Variants in FAM222B observed in about 807,000 individuals in gnomAD.
The protein encoded by FAM222B is family with sequence similarity 222 member B.
In FAM222B, 12 loss-of-function variants were observed where a neutral mutation model predicts 38.0. The ratio of observed to expected loss-of-function variants is 0.32; its 90% confidence interval spans 0.20 to 0.51. The LOEUF is 0.51. FAM222B is among the 20% of genes least tolerant of loss of function. The probability of loss-of-function intolerance (pLI) is 0.97; values close to 1 mark genes in which losing one functional copy is unlikely to be tolerated. For missense variants in FAM222B, 716 were observed against 754.2 expected (o/e 0.95, Z 0.59); for synonymous variants, 329 against 317.2 (o/e 1.04, Z -0.40).
At chr17:28,764,374 G>A (rs910252848) in intron 2 of FAM222B, among the ~76,000 whole-genome samples, 8 of 151,912 alleles carry the variant, frequency 5.3e-5, no homozygotes, top group African/African-American at 1.5e-4. Flanking sequence ...CTTGGGAGGC[G>A]GAGGTTGCAG....
intron 1 of FAM222B, among the ~76,000 whole-genome samples, chr17:28,816,717 G>A (rs780615898): frequency 1.3e-5 from 2 of 152,042 alleles, no homozygotes; most frequent in Non-Finnish European, 2.9e-5. Context: ...GAACTGCTAC[G>A]TCATATTTAC....
At chr17:28,761,264 A>C (rs2035059388) in intron 2 of FAM222B, among the ~76,000 whole-genome samples, 1 of 152,230 alleles carries the variant, frequency 6.6e-6, no homozygotes. Flanking sequence ...TAAGGATGCC[A>C]ACCTCCTGCA....
chr17:28,758,329 G>C lies in FAM222B; in HGVS notation c.1630C>G (p.Arg544Gly), dbSNP rs929885697. ...CGACTCTCTGTGGGATCGGGGGCTC[G>C]GTTGCCAGGGGCTCGGTGGGCCTTG... Reference protein sequence around the residue: ...LSKAHRAPGNRAPDPTESRSL... With the variant: ...LSKAHRAPGNGAPDPTESRSL... Residue 544 changes from arginine to glycine, a missense_variant, in exon 3 of 3, where the codon CGA becomes GGA. Coordinates refer to ENST00000581407, the MANE Select transcript of FAM222B (RefSeq NM_001077498.3). 1 of 1,610,964 alleles carries C rather than the reference G, an allele frequency of 6.2e-7. No homozygotes were observed.
At chr17:28,809,368 A>AG (rs1555581612) in intron 1 of FAM222B, among the ~76,000 whole-genome samples, 9 of 151,228 alleles carry the variant, frequency 6.0e-5, no homozygotes, top group African/African-American at 2.4e-5. Flanking sequence ...AAAAAAAAAA[A>AG]AGAGAGAGAG....
intron 1 of FAM222B, among the ~76,000 whole-genome samples, chr17:28,792,486 G>T (rs1017092526): frequency 1.1e-4 from 16 of 150,336 alleles, no homozygotes; most frequent in African/African-American, 3.9e-4. Context: ...TCTCAAGAAA[G>T]AAGAAACAAA....
chr17:28,824,246 A>T (rs2038361607), intron 1 of FAM222B, among the ~76,000 whole-genome samples: 1 of 150,996 alleles, frequency 6.6e-6, no homozygotes, highest in African/African-American at 2.4e-5. Context: ...GTGCAATGGC[A>T]CAATCACAGC....
intron 1 of FAM222B, among the ~76,000 whole-genome samples, chr17:28,833,612 C>CA (rs370065990): frequency 0.076 from 5,488 of 72,644 alleles, 248 homozygotes; most frequent in Non-Finnish European, 0.1. Context: ...GACTTTGTCT[C>CA]AAAAAAAAAA....
chr17:28,789,219 T>G (rs1213312133), intron 1 of FAM222B, among the ~76,000 whole-genome samples: 1 of 149,108 alleles, frequency 6.7e-6, no homozygotes, highest in Non-Finnish European at 1.5e-5. Context: ...TTTTTTGAGA[T>G]GGAGTCTCGC....
intron 1 of FAM222B, among the ~76,000 whole-genome samples, chr17:28,805,874 G>T (rs560304958): frequency 6.6e-6 from 1 of 152,216 alleles, no homozygotes; most frequent in East Asian, 1.9e-4. Context: ...GGGCACGGTG[G>T]GTCACGCCTG....
At chr17:28,828,671 TAAA>T (rs1402548280) in intron 1 of FAM222B, among the ~76,000 whole-genome samples, 1 of 152,164 alleles carries the variant, frequency 6.6e-6, no homozygotes, top group African/African-American at 2.4e-5. Flanking sequence ...TAAAATGTAT[TAAA>T]AAAGAAAATT....
chr17:28,812,732 C>T (rs79626887), intron 1 of FAM222B, among the ~76,000 whole-genome samples: 7,922 of 151,928 alleles, frequency 0.052, 574 homozygotes, highest in African/African-American at 0.17. Context: ...AGCTGCGCCC[C>T]TTTGCACCCC....
rs2036644119 is a variant in FAM222B at position 28,790,894 on chromosome 17, T to TTTTC, written c.-40-24188_-40-24187insGAAA. ...TTTCAAATTGTTTCACTTTTTTTTT[T>TTTTC]TTTTTTTTTTTTTTTTTTTTTAGAG... On this transcript the variant is annotated intron_variant, in intron 1 of 2. Transcript: ENST00000581407. Among the ~76,000 whole-genome samples the TTTTC allele has an allele frequency of 4.5e-4, 44 of 98,006 alleles. 3 individuals carry two copies. Among genetic ancestry groups the TTTTC allele is most frequent in the African/African-American group, 1.6e-3 (44 of 27,430 alleles). 64.3% of individuals were successfully genotyped at this position (98,006 alleles called of 152,430 possible).
intron 1 of FAM222B, among the ~76,000 whole-genome samples, chr17:28,794,519 C>G (rs1341778277): frequency 6.6e-6 from 1 of 152,014 alleles, no homozygotes; most frequent in African/African-American, 2.4e-5. Flanking sequence ...AGTGCCCGGC[C>G]TGTCTTTTGC....
At chr17:28,798,678 A>T (rs889017314) in intron 1 of FAM222B, among the ~76,000 whole-genome samples, 1 of 147,444 alleles carries the variant, frequency 6.8e-6, no homozygotes, top group Non-Finnish European at 1.5e-5. Context: ...TCTCTCGCCC[A>T]AACTGGAGTG....
At chr17:28,827,000 A>AC (rs2038464875) in intron 1 of FAM222B, among the ~76,000 whole-genome samples, 3 of 151,968 alleles carry the variant, frequency 2.0e-5, no homozygotes, top group Non-Finnish European at 4.4e-5. Flanking sequence ...TTTTTTCATT[A>AC]GCCAGGCACA....
chr17:28,763,559 G>C (rs2035185223), intron 2 of FAM222B, among the ~76,000 whole-genome samples: 1 of 152,258 alleles, frequency 6.6e-6, no homozygotes, highest in South Asian at 2.1e-4. Flanking sequence ...TTGAAGGTCA[G>C]AGGGCACAGG....
chr17:28,822,820 AAAAAAAAAAAAAATATATATATATAT>A (rs1567887551), intron 1 of FAM222B, among the ~76,000 whole-genome samples: 1 of 100,464 alleles, frequency 1.0e-5, no homozygotes, highest in Non-Finnish European at 1.9e-5. Context: ...AAAAAAAAAA[AAAAAAAAAAAAAATATATATATATAT>A]ATATATATAT....
intron 1 of FAM222B, among the ~76,000 whole-genome samples, chr17:28,788,381 G>A (rs926312351): frequency 1.3e-5 from 2 of 152,090 alleles, no homozygotes; most frequent in African/African-American, 4.8e-5. Flanking sequence ...TGGGATTATA[G>A]GTGCACACCA....
chr17:28,782,626 A>G (rs2036213179), intron 1 of FAM222B, among the ~76,000 whole-genome samples: 1 of 152,206 alleles, frequency 6.6e-6, no homozygotes, highest in Non-Finnish European at 1.5e-5. Context: ...GTATAACAAG[A>G]ATTTTTAAAA....
Sources: allele counts gnomAD v4.1 joint callset (sites outside exome capture counted in the v4.1 genomes callset), GRCh38; gene constraint gnomAD v4.1.1; transcripts MANE v1.5; gene names NCBI Gene and HGNC (gene_info 2026-07-23, HGNC 2026-07-21).